The following PRKN variants were observed in gnomAD, a reference collection of about 807,000 sequenced individuals.
PRKN encodes the protein parkin RBR E3 ubiquitin protein ligase.
A neutral mutation model predicts 59.5 loss-of-function variants in PRKN; 56 were observed. That is an observed-to-expected ratio of 0.94 (90% CI 0.76 to 1.18). The LOEUF is 1.18. PRKN is among the 50% of genes most tolerant of loss of function. The probability of loss-of-function intolerance (pLI) is 0.00; values close to 1 mark genes in which losing one functional copy is unlikely to be tolerated. For missense variants in PRKN, 657 were observed against 596.4 expected, an observed-to-expected ratio of 1.10 and a Z score of -1.06; for synonymous variants, 250 against 222.1, an observed-to-expected ratio of 1.13 and a Z score of -1.12.
At chr6:162,684,209 A>C (rs573610027) in intron 1 of PRKN, among the ~76,000 whole-genome samples, 1 of 152,042 alleles carries the variant, frequency 6.6e-6, no homozygotes, top group African/African-American at 2.4e-5. Flanking sequence ...ACACTACAAA[A>C]AGCTGTTTAT....
chr6:161,583,235 A>C (rs1203451240), intron 7 of PRKN, among the ~76,000 whole-genome samples: 1 of 152,192 alleles, frequency 6.6e-6, no homozygotes, highest in Non-Finnish European at 1.5e-5. Context: ...ATTCTCTTTA[A>C]AACTTTCAGG....
chr6:162,672,870 A>G (rs1193098894), intron 1 of PRKN, among the ~76,000 whole-genome samples: 7 of 152,196 alleles, frequency 4.6e-5, no homozygotes, highest in Admixed American at 3.3e-4. Context: ...CTGTCAATAC[A>G]TATCAAATGT....
chr6:161,857,459 A>T (rs1793702778), intron 6 of PRKN, among the ~76,000 whole-genome samples: 1 of 152,184 alleles, frequency 6.6e-6, no homozygotes, highest in Admixed American at 6.5e-5. Context: ...ACTGAGGAAC[A>T]GGTGTGTCCT....
rs139793293 is a variant in PRKN at position 161,660,639 on chromosome 6, C to T, written c.872-91223G>A. ...GCAGTGGCCTCACCTCTCTGAGCTG[C>T]CTTCCCATGTCCTGGGCCGCTCTTT... On this transcript the variant is annotated intron_variant, in intron 7 of 11. Transcript: ENST00000366898. Among the ~76,000 whole-genome samples the T allele has an allele frequency of 8.8e-4, 134 of 152,246 alleles. 1 individual carries two copies. The highest frequency in any genetic ancestry group is 3.2e-3 in the African/African-American group (132 of 41,532).
At chr6:161,878,594 C>A (rs1794820128) in intron 6 of PRKN, among the ~76,000 whole-genome samples, 1 of 152,120 alleles carries the variant, frequency 6.6e-6, no homozygotes, top group South Asian at 2.1e-4. Context: ...AATGAAAATG[C>A]AAGGCCATTG....
chr6:162,067,118 A>C (rs1005035557), intron 4 of PRKN, among the ~76,000 whole-genome samples: 1 of 152,184 alleles, frequency 6.6e-6, no homozygotes, highest in Admixed American at 6.5e-5. Flanking sequence ...CACAAGTTCA[A>C]GGTTATACAA....
At chr6:162,580,075 T>C (rs143420153) in intron 1 of PRKN, among the ~76,000 whole-genome samples, 14 of 152,272 alleles carry the variant, frequency 9.2e-5, no homozygotes, top group Non-Finnish European at 1.8e-4. Flanking sequence ...GCTGAAGAGT[T>C]TGGAGTTCAT....
Position 161,774,899 on chromosome 6 carries a change from AT to A in PRKN, c.871+10872del, listed in dbSNP as rs1789857179. Reference sequence around the variant, plus strand: ...TAAACTCCGAAGCTTAGGAAGTTTGATTTAATTTCAATCAATTTGGAGGCAG... The same window carrying A: ...TAAACTCCGAAGCTTAGGAAGTTTGATTAATTTCAATCAATTTGGAGGCAG... On this transcript the variant is annotated intron_variant, in intron 7 of 11. Coordinates refer to ENST00000366898, the MANE Select transcript of PRKN (RefSeq NM_004562.3). Among the ~76,000 whole-genome samples the A allele has an allele frequency of 2.6e-5, 4 of 152,330 alleles. No homozygotes were observed. In the South Asian group the frequency reaches 8.3e-4, roughly 32 times the overall value.
chr6:161,854,316 A>T (rs1793557004), intron 6 of PRKN, among the ~76,000 whole-genome samples: 1 of 151,986 alleles, frequency 6.6e-6, no homozygotes. Flanking sequence ...AATTAAGATT[A>T]AAAAATATTA....
intron 7 of PRKN, among the ~76,000 whole-genome samples, chr6:161,706,787 G>A (rs4292503): frequency 0.45 from 67,752 of 151,872 alleles, 15,479 homozygotes; most frequent in Admixed American, 0.61. Flanking sequence ...CGAACTCCTG[G>A]CCTCAGGTGA....
At chr6:161,942,163 A>T (rs2128243336) in intron 6 of PRKN, among the ~76,000 whole-genome samples, 1 of 152,280 alleles carries the variant, frequency 6.6e-6, no homozygotes, top group Non-Finnish European at 1.5e-5. Flanking sequence ...TCAGTGGTAC[A>T]ACCACAGGGG....
chr6:161,434,149 A>T (rs1337904290), intron 9 of PRKN, among the ~76,000 whole-genome samples: 1 of 152,034 alleles, frequency 6.6e-6, no homozygotes, highest in African/African-American at 2.4e-5. Flanking sequence ...GTATGTGGGG[A>T]ATATATTATT....
Position 161,349,986 on chromosome 6 carries a change from G to A in PRKN, c.*113C>T, listed in dbSNP as rs777985497. 6.6e-5 allele frequency: 50 copies of A among 756,488 alleles called. No individual in the cohort carries two copies. The highest frequency in any genetic ancestry group is 1.2e-4 in the Admixed American group (6 of 49,908). The allele number at this position is 756,488 out of a possible 1,614,324, so 46.9% of individuals were successfully genotyped here. ...GGACTTTGAAAAAAACTTGAAGAGT[G>A]TGTGTGCGCGCGCGCGCGTGTGTGT... On this transcript the variant is annotated 3_prime_UTR_variant, in exon 12 of 12. Transcript: ENST00000366898. The surrounding 1 kb of genome is among the most constrained non-coding windows in gnomAD (Gnocchi z 5.5).
chr6:162,671,497 CAAAAA>C (rs5881490), intron 1 of PRKN, among the ~76,000 whole-genome samples: 3 of 111,658 alleles, frequency 2.7e-5, no homozygotes, highest in Non-Finnish European at 3.8e-5. Context: ...GACTCTGTCT[CAAAAA>C]AAAAAAAAAA....
chr6:162,196,217 C>G (rs892459743), intron 4 of PRKN, among the ~76,000 whole-genome samples: 1 of 152,116 alleles, frequency 6.6e-6, no homozygotes, highest in African/African-American at 2.4e-5. Flanking sequence ...GTTTTCAAAT[C>G]ATGCCAAGGG....
At chr6:162,521,327 A>G (rs1309182610) in intron 1 of PRKN, among the ~76,000 whole-genome samples, 1 of 152,210 alleles carries the variant, frequency 6.6e-6, no homozygotes, top group Non-Finnish European at 1.5e-5. Context: ...TAGCTAGTAA[A>G]GCAAAGGATG....
At chr6:162,625,832 T>G (rs1039859203) in intron 1 of PRKN, among the ~76,000 whole-genome samples, 6 of 152,152 alleles carry the variant, frequency 3.9e-5, no homozygotes, top group African/African-American at 1.4e-4. Flanking sequence ...AATTATGATC[T>G]CTACATCCCC....
intron 1 of PRKN, among the ~76,000 whole-genome samples, chr6:162,446,719 A>G (rs1474724887): frequency 6.6e-6 from 1 of 152,232 alleles, no homozygotes; most frequent in Non-Finnish European, 1.5e-5. Flanking sequence ...TGAGTTCATA[A>G]TCAAGTGCCA....
At chr6:162,108,338 C>T (rs146005153) in intron 4 of PRKN, among the ~76,000 whole-genome samples, 2 of 152,180 alleles carry the variant, frequency 1.3e-5, no homozygotes, top group Non-Finnish European at 2.9e-5. Flanking sequence ...CCCAGCCTCA[C>T]TAAATGCACT....
Sources: gnomAD v4.1 joint callset for allele counts (sites outside exome capture counted in the v4.1 genomes callset) on GRCh38, gnomAD v4.1.1 for gene constraint, Gnocchi (gnomAD v3.1) non-coding constraint, MANE v1.5 for transcripts, NCBI Gene and HGNC (gene_info 2026-07-23, HGNC 2026-07-21) for gene names.